Variants in MBTD1 observed in about 807,000 individuals in gnomAD.
The protein encoded by MBTD1 is mbt domain containing 1, also known as MBT domain-containing protein 1.
A neutral mutation model predicts 87.8 loss-of-function variants in MBTD1; 24 were observed. The ratio of observed to expected loss-of-function variants is 0.27; its 90% CI spans 0.20 to 0.38. The LOEUF is 0.38. Among genes scored for constraint, MBTD1 ranks in the 10% least tolerant of loss-of-function variants. The pLI is 1.00. For missense variants in MBTD1, 436 were observed against 760.2 expected (o/e 0.57, Z 5.02); for synonymous variants, 237 against 248.6 (o/e 0.95, Z 0.44).
At chr17:51,210,828 A>T (rs550480798) in intron 6 of MBTD1, among the ~76,000 whole-genome samples, 5 of 152,144 alleles carry the variant, frequency 3.3e-5, no homozygotes, top group African/African-American at 9.6e-5. Flanking sequence ...AATTTTTTTT[A>T]AAAAACCATA....
At chr17:51,231,215 T>C (rs1290137103) in intron 2 of MBTD1, among the ~76,000 whole-genome samples, 1 of 152,142 alleles carries the variant, frequency 6.6e-6, no homozygotes, top group Admixed American at 6.6e-5. Context: ...GGATTACAGG[T>C]GTGAGCCACC....
chr17:51,241,483 C>T (rs1346958822), intron 2 of MBTD1, among the ~76,000 whole-genome samples: 1 of 152,190 alleles, frequency 6.6e-6, no homozygotes, highest in Non-Finnish European at 1.5e-5. Flanking sequence ...CCTGCACGTT[C>T]ACCAGTCAGC....
chr17:51,253,116 A>G (rs1242840029), intron 2 of MBTD1, among the ~76,000 whole-genome samples: 1 of 152,196 alleles, frequency 6.6e-6, no homozygotes, highest in Non-Finnish European at 1.5e-5. Context: ...TATGAAGTAT[A>G]CAGTACATTA....
rs767578262 is a variant in MBTD1 at position 51,204,417 on chromosome 17, T to C, written c.605-492A>G. On this transcript the variant is annotated intron_variant, in intron 7 of 16. Coordinates refer to ENST00000586178, the MANE Select transcript of MBTD1 (RefSeq NM_017643.3). Reference sequence around the variant, plus strand: ...GATTATAGGCATATATATGTAATTATACATATAACATACATATTTATGTAT... The same window carrying C: ...GATTATAGGCATATATATGTAATTACACATATAACATACATATTTATGTAT... Among the ~76,000 whole-genome samples the C allele has an allele frequency of 4.3e-5, 6 of 140,730 alleles. No individual in the cohort carries two copies. In the East Asian group the frequency reaches 6.0e-4, roughly 14 times the overall value. 92.3% of individuals were successfully genotyped at this position (140,730 alleles called of 152,430 possible). A position where few individuals can be genotyped will look rare whatever the true frequency, so the allele number is the denominator to read the frequency against.
intron 2 of MBTD1, among the ~76,000 whole-genome samples, chr17:51,245,206 G>T (rs1461204623): frequency 6.6e-6 from 1 of 152,082 alleles, no homozygotes; most frequent in Non-Finnish European, 1.5e-5. Context: ...GGCCCTAGAG[G>T]ATTTTTTTGT....
intron 6 of MBTD1, among the ~76,000 whole-genome samples, chr17:51,210,539 T>A (rs2052123549): frequency 6.6e-6 from 1 of 151,746 alleles, no homozygotes; most frequent in Non-Finnish European, 1.5e-5. Context: ...GTGGATCACC[T>A]GAGGTCAGGA....
At chr17:51,238,334 A>AC (rs1385808003) in intron 2 of MBTD1, among the ~76,000 whole-genome samples, 1 of 152,184 alleles carries the variant, frequency 6.6e-6, no homozygotes. Flanking sequence ...CCTTCGAAAA[A>AC]CTTAGCTCTC....
chr17:51,259,716 G>GT, intron 1 of MBTD1, 119 bp downstream of exon 1: 1 of 958,242 alleles, frequency 1.0e-6, no homozygotes, highest in Non-Finnish European at 1.4e-6. Flanking sequence ...TTGAGAGGGC[G>GT]TGGGATGGAG....
intron 12 of MBTD1, among the ~76,000 whole-genome samples, chr17:51,198,341 G>A (rs550950857): frequency 2.0e-5 from 3 of 152,208 alleles, no homozygotes; most frequent in East Asian, 1.9e-4. Context: ...AAGAACTCTC[G>A]GATGACTTGA....
intron 3 of MBTD1, among the ~76,000 whole-genome samples, chr17:51,221,213 G>C (rs2052868345): frequency 6.6e-6 from 1 of 152,222 alleles, no homozygotes; most frequent in Non-Finnish European, 1.5e-5. Flanking sequence ...CGGGAGGACT[G>C]CTTAAGTCCA....
intron 16 of MBTD1, chr17:51,185,901 G>C (rs2050513901): frequency 6.6e-6 from 1 of 152,532 alleles, no homozygotes; most frequent in Non-Finnish European, 1.5e-5. Context: ...TTCTTTAGTT[G>C]AAAGAAAAAG....
chr17:51,180,543 C>T lies in MBTD1; in HGVS notation c.*33G>A. 1 of 1,149,118 alleles carries T rather than the reference C, an allele frequency of 8.7e-7. No individual in the cohort carries two copies. The highest frequency in any genetic ancestry group is 1.3e-6 in the Non-Finnish European group (1 of 786,634). 71.2% of individuals were successfully genotyped at this position (1,149,118 alleles called of 1,614,324 possible). On this transcript the variant is annotated 3_prime_UTR_variant, in exon 17 of 17. Transcript: ENST00000586178. ...ATTATAAATCAGTCCTGTGTAAAAT[C>T]CTTCCCCACCCGCCCTCAGTTTCTA...
rs532488178 is a variant in MBTD1, at chr17:51,179,375, C to CA, written c.*1200_*1201insT. On this transcript the variant is annotated 3_prime_UTR_variant, in exon 17 of 17. Coordinates refer to ENST00000586178, the MANE Select transcript of MBTD1 (RefSeq NM_017643.3). Reference sequence around the variant, plus strand: ...CCTTTCACCAGTTTACCCTTGTATCCTTTTTTTTTTTTTAAAAGGAAGTCA... The same window carrying CA: ...CCTTTCACCAGTTTACCCTTGTATCCATTTTTTTTTTTTTAAAAGGAAGTCA... 7.5e-6 allele frequency: 1 copy of CA among 134,194 alleles called. No homozygotes were observed. Among genetic ancestry groups the CA allele is most frequent in the Non-Finnish European group, 1.6e-5 (1 of 61,658 alleles). 8.3% of individuals were successfully genotyped at this position (134,194 alleles called of 1,614,324 possible).
At chr17:51,252,517 TAATCCACCA>T (rs1448105691) in intron 2 of MBTD1, among the ~76,000 whole-genome samples, 1 of 151,494 alleles carries the variant, frequency 6.6e-6, no homozygotes. Flanking sequence ...ACTTGAGGAG[TAATCCACCA>T]GGAGTTCCAG....
At chr17:51,232,776 G>A (rs1463441351) in intron 2 of MBTD1, among the ~76,000 whole-genome samples, 1 of 152,086 alleles carries the variant, frequency 6.6e-6, no homozygotes, top group African/African-American at 2.4e-5. Flanking sequence ...AGTGGCTCAT[G>A]TCTATAATCC....
At chr17:51,195,971 G>A (rs771829898) in intron 12 of MBTD1, among the ~76,000 whole-genome samples, 3 of 151,536 alleles carry the variant, frequency 2.0e-5, no homozygotes, top group African/African-American at 4.9e-5. Flanking sequence ...GCAATGGTGC[G>A]AACATGGCCC....
Position 51,180,360 on chromosome 17 carries a change from A to C in MBTD1, c.*216T>G. On this transcript the variant is annotated 3_prime_UTR_variant, in exon 17 of 17. Transcript: ENST00000586178. ...CAAAATTCTTTCAAAAGCTTCAAAT[A>C]CAACACAAAAATTGTCCATCTTTAT... 2.3e-6 allele frequency: 1 copy of C among 427,632 alleles called. No homozygotes were observed. Among genetic ancestry groups the C allele is most frequent in the South Asian group, 4.7e-5 (1 of 21,088 alleles). 26.5% of individuals were successfully genotyped at this position (427,632 alleles called of 1,614,324 possible). A position where few individuals can be genotyped will look rare whatever the true frequency, so the allele number is the denominator to read the frequency against.
At chr17:51,203,404 A>C (rs2051608354) in intron 8 of MBTD1, among the ~76,000 whole-genome samples, 176 bp from the exon 9 acceptor site, 1 of 152,186 alleles carries the variant, frequency 6.6e-6, no homozygotes, top group African/African-American at 2.4e-5. Context: ...AACACCAAAA[A>C]AACTATTTTA....
At chr17:51,218,176 C>A (rs149285153) in intron 5 of MBTD1, among the ~76,000 whole-genome samples, 35 of 152,126 alleles carry the variant, frequency 2.3e-4, no homozygotes, top group African/African-American at 8.0e-4. Context: ...ACTATTTACT[C>A]TCTTATTGCT....
Sources: gnomAD v4.1 joint callset for allele counts (sites outside exome capture counted in the v4.1 genomes callset) on GRCh38, gnomAD v4.1.1 for gene constraint, MANE v1.5 for transcripts, NCBI Gene and HGNC (gene_info 2026-07-23, HGNC 2026-07-21) for gene names.